Variants in TRAPPC9 observed in about 807,000 individuals in gnomAD.
The protein encoded by TRAPPC9 is trafficking protein particle complex subunit 9.
In TRAPPC9, 83 loss-of-function variants were observed where a neutral mutation model predicts 124.0. The ratio of observed to expected loss-of-function variants is 0.67; its 90% CI spans 0.56 to 0.80. The LOEUF is 0.80. Ranked by LOEUF, TRAPPC9 falls within the 30% of genes least tolerant of loss-of-function variation. The pLI, the probability that TRAPPC9 is intolerant of heterozygous loss-of-function variation, is 0.00. For synonymous variants in TRAPPC9, 638 were observed against 617.5 expected (o/e 1.03, Z -0.49); for missense variants, 1,302 against 1,508.3 (o/e 0.86, Z 2.27).
intron 16 of TRAPPC9, among the ~76,000 whole-genome samples, chr8:140,227,906 A>G (rs1223318733): frequency 2.0e-5 from 3 of 152,236 alleles, no homozygotes; most frequent in African/African-American, 7.2e-5. Context: ...ACTAGGCCTC[A>G]TGACAACTGG....
intron 19 of TRAPPC9, among the ~76,000 whole-genome samples, chr8:139,949,663 T>C (rs2131498041): frequency 6.6e-6 from 1 of 152,242 alleles, no homozygotes; most frequent in African/African-American, 2.4e-5. Flanking sequence ...ACACACAGAA[T>C]TCCACTTATA....
At chr8:139,873,807 G>C (rs1241844519) in intron 21 of TRAPPC9, among the ~76,000 whole-genome samples, 1 of 152,224 alleles carries the variant, frequency 6.6e-6, no homozygotes, top group Non-Finnish European at 1.5e-5. Context: ...ACCTGGCTCA[G>C]AAAGATGTAG....
intron 7 of TRAPPC9, among the ~76,000 whole-genome samples, chr8:140,388,387 A>AG: frequency 6.6e-6 from 1 of 151,132 alleles, no homozygotes; most frequent in African/African-American, 2.4e-5. Flanking sequence ...AAAAAAAAAA[A>AG]GAAGGAATGA....
chr8:140,084,786 A>G (rs1844080448), intron 17 of TRAPPC9, among the ~76,000 whole-genome samples: 1 of 152,218 alleles, frequency 6.6e-6, no homozygotes, highest in African/African-American at 2.4e-5. Flanking sequence ...AGGGTAGGAT[A>G]AGCTTTTTCC....
At chr8:140,236,326 A>G (rs1440617934) in intron 16 of TRAPPC9, among the ~76,000 whole-genome samples, 1 of 152,172 alleles carries the variant, frequency 6.6e-6, no homozygotes, top group African/African-American at 2.4e-5. Context: ...CAAGTGATCC[A>G]CCCACCCCAG....
chr8:140,240,920 A>C (rs1315382002), intron 16 of TRAPPC9, among the ~76,000 whole-genome samples: 21 of 152,170 alleles, frequency 1.4e-4, no homozygotes, highest in Non-Finnish European at 1.0e-4. Context: ...AGTATCTTTC[A>C]ATGAAGTCCA....
At chr8:140,043,220 T>C (rs1340844621) in intron 17 of TRAPPC9, among the ~76,000 whole-genome samples, 1 of 152,232 alleles carries the variant, frequency 6.6e-6, no homozygotes, top group Non-Finnish European at 1.5e-5. Context: ...TTCCACTTTT[T>C]ATAGTTTCCA....
At chr8:140,227,072 T>C (rs375473336) in intron 16 of TRAPPC9, among the ~76,000 whole-genome samples, 1 of 151,960 alleles carries the variant, frequency 6.6e-6, no homozygotes, top group East Asian at 1.9e-4. Flanking sequence ...TGGGGACAGG[T>C]AGGAGGCAGA....
chr8:140,143,427 G>A (rs886915970), intron 17 of TRAPPC9, among the ~76,000 whole-genome samples: 4 of 152,154 alleles, frequency 2.6e-5, no homozygotes, highest in African/African-American at 9.7e-5. Context: ...TCCCCTTTTG[G>A]AAATTCTCTA....
chr8:139,964,125 G>A (rs572491840), intron 19 of TRAPPC9, among the ~76,000 whole-genome samples: 11 of 151,638 alleles, frequency 7.3e-5, no homozygotes, highest in African/African-American at 2.7e-4. Flanking sequence ...TTGGGAGGCT[G>A]AGGCAGGAGA....
chr8:139,786,593 C>T (rs543521173), intron 21 of TRAPPC9, among the ~76,000 whole-genome samples: 17 of 152,148 alleles, frequency 1.1e-4, no homozygotes, highest in Non-Finnish European at 2.2e-4. Context: ...CACGTCCACA[C>T]AAAGTCTTTT....
At chr8:140,186,102 T>C (rs559376170) in intron 17 of TRAPPC9, among the ~76,000 whole-genome samples, 27 of 152,360 alleles carry the variant, frequency 1.8e-4, no homozygotes, top group Admixed American at 3.3e-4. Flanking sequence ...AATAAAGCCC[T>C]GTGAAAATTA....
At chr8:140,185,529 G>T (rs1475793531) in intron 17 of TRAPPC9, among the ~76,000 whole-genome samples, 1 of 152,174 alleles carries the variant, frequency 6.6e-6, no homozygotes, top group Non-Finnish European at 1.5e-5. Context: ...CCTACCCCAG[G>T]GTGTGGTCTG....
chr8:140,448,456 G>A (rs1320544389), intron 2 of TRAPPC9, among the ~76,000 whole-genome samples: 2 of 152,230 alleles, frequency 1.3e-5, no homozygotes, highest in East Asian at 1.9e-4. Flanking sequence ...GCAGAGTTGT[G>A]AGCTCAGATT....
chr8:140,158,177 C>T (rs937053659), intron 17 of TRAPPC9, among the ~76,000 whole-genome samples: 1 of 152,000 alleles, frequency 6.6e-6, no homozygotes, highest in African/African-American at 2.4e-5. Context: ...AAGTAACAGC[C>T]CCCCCTCAAA....
intron 17 of TRAPPC9, among the ~76,000 whole-genome samples, chr8:140,147,409 T>G (rs2061479253): frequency 6.6e-6 from 1 of 152,156 alleles, no homozygotes; most frequent in Non-Finnish European, 1.5e-5. Flanking sequence ...CTCACGAACG[T>G]CTCAATTCCG....
chr8:139,906,667 G>A (rs1043030509), intron 20 of TRAPPC9, among the ~76,000 whole-genome samples: 4 of 152,136 alleles, frequency 2.6e-5, no homozygotes, highest in Middle Eastern at 3.2e-3. Flanking sequence ...ACGGGTGGCC[G>A]CCTCTGCACT....
chr8:140,054,298 A>G (rs1386985614), intron 17 of TRAPPC9, among the ~76,000 whole-genome samples: 1 of 152,244 alleles, frequency 6.6e-6, no homozygotes, highest in Non-Finnish European at 1.5e-5. Context: ...AAACCTGCAC[A>G]TGTATCTCCT....
intron 19 of TRAPPC9, among the ~76,000 whole-genome samples, chr8:139,953,269 A>G (rs1466445665): frequency 6.6e-6 from 1 of 152,242 alleles, no homozygotes; most frequent in Non-Finnish European, 1.5e-5. Flanking sequence ...AGGCAGGTGG[A>G]TCACTTGAGG....
Sources: allele counts gnomAD v4.1 joint callset (sites outside exome capture counted in the v4.1 genomes callset), GRCh38; gene constraint gnomAD v4.1.1; transcripts MANE v1.5; gene names NCBI Gene and HGNC (gene_info 2026-07-23, HGNC 2026-07-21).